The following ERCC6L2 variants were observed in gnomAD, a reference collection of about 807,000 sequenced individuals.
The protein encoded by ERCC6L2 is DNA excision repair protein ERCC-6-like 2.
Under a neutral mutation model 132.0 loss-of-function variants are expected in ERCC6L2, and 77 were observed. The observed-to-expected ratio is 0.58, with a 90% CI of 0.49 to 0.71. The LOEUF (loss-of-function observed/expected upper bound fraction) is 0.71, where lower values mean the gene tolerates loss of function less well. Ranked by LOEUF, ERCC6L2 falls within the 30% of genes least tolerant of loss-of-function variation. The pLI, the probability that ERCC6L2 is intolerant of heterozygous loss-of-function variation, is 0.00. For missense variants in ERCC6L2, 1,542 were observed against 1,837.6 expected, an observed-to-expected ratio of 0.84 and a Z score of 2.94; for synonymous variants, 583 against 632.4, an observed-to-expected ratio of 0.92 and a Z score of 1.17.
intron 17 of ERCC6L2, among the ~76,000 whole-genome samples, chr9:95,978,838 A>G (rs1832778055): frequency 6.6e-6 from 1 of 152,158 alleles, no homozygotes. Flanking sequence ...CTATTACTTT[A>G]TGGGCAAGAG....
chr9:96,010,328 G>A (rs1833986654), intron 18 of ERCC6L2, among the ~76,000 whole-genome samples: 1 of 152,218 alleles, frequency 6.6e-6, no homozygotes, highest in African/African-American at 2.4e-5. Flanking sequence ...GTGCTTTATG[G>A]TCTGCCCCTA....
intron 19 of ERCC6L2, among the ~76,000 whole-genome samples, chr9:96,029,619 C>T (rs548088685): frequency 7.2e-5 from 11 of 151,942 alleles, no homozygotes; most frequent in Non-Finnish European, 1.3e-4. Flanking sequence ...GCAAAGGAAA[C>T]GTGTTGATTT....
chr9:95,906,394 G>A (rs969219374), intron 3 of ERCC6L2, among the ~76,000 whole-genome samples: 1 of 152,134 alleles, frequency 6.6e-6, no homozygotes, highest in African/African-American at 2.4e-5. Context: ...AGTTTCTGCA[G>A]CATTGACTTT....
chr9:95,967,467 A>G (rs1267427844), intron 14 of ERCC6L2: 2 of 152,168 alleles, frequency 1.3e-5, no homozygotes, highest in African/African-American at 4.8e-5. Flanking sequence ...AGTAAGTACC[A>G]TAAAGGCAGT....
rs1188314058 is a variant in ERCC6L2, at chr9:96,017,912, TGAAAG to T, written c.*4714_*4718del. ...CACACACAGGAATATTATTCAGCCT[TGAAAG>T]GAAATTCGGACACGTGCTACAACAT... is the stretch of plus-strand genomic sequence containing the variant. On this transcript the variant is annotated 3_prime_UTR_variant, in exon 19 of 19. Transcript: ENST00000653738. 2.0e-5 allele frequency among the ~76,000 whole-genome samples: 3 copies of T among 152,238 alleles called. No individual in the cohort carries two copies. The highest frequency in any genetic ancestry group is 4.4e-5 in the Non-Finnish European group (3 of 68,056).
At chr9:95,906,725 C>T (rs1305799880) in intron 3 of ERCC6L2, 7 of 462,242 alleles carry the variant, frequency 1.5e-5, no homozygotes, top group African/African-American at 4.0e-5. Context: ...GTACATTACC[C>T]ACTTGGCCTT....
intron 11 of ERCC6L2, chr9:95,929,094 TAA>T (rs1335113714): frequency 3.2e-6 from 1 of 311,418 alleles, no homozygotes; most frequent in African/African-American, 2.2e-5. Flanking sequence ...AAGGTAACAA[TAA>T]AAAAATTGAT....
rs779370467 is a variant in ERCC6L2, at chr9:95,973,108, C to T, written c.3337+20C>T. 7 of 1,278,364 alleles carry T rather than the reference C, an allele frequency of 5.5e-6. No individual in the cohort carries two copies. In the South Asian group the frequency reaches 9.5e-5, roughly 17 times the overall value. 79.2% of individuals were successfully genotyped at this position (1,278,364 alleles called of 1,614,324 possible). On this transcript the variant is annotated intron_variant, in intron 16 of 18. Coordinates refer to ENST00000653738, the MANE Select transcript of ERCC6L2 (RefSeq NM_020207.7). ...TTTTAGGTAACTAAAGACACATTCT[C>T]AAAACTTTAAAAAGTATATTTGTTT...
intron 16 of ERCC6L2, among the ~76,000 whole-genome samples, chr9:95,976,820 C>T (rs1165602685): frequency 1.3e-5 from 2 of 152,028 alleles, no homozygotes; most frequent in African/African-American, 4.8e-5. Flanking sequence ...GACTTATTCC[C>T]CAAAAACTAT....
At chr9:95,917,231 A>G (rs183671031) in intron 6 of ERCC6L2, among the ~76,000 whole-genome samples, 31 of 152,338 alleles carry the variant, frequency 2.0e-4, no homozygotes, top group Admixed American at 1.5e-3. Flanking sequence ...AATTTGTAGG[A>G]AAACTACATT....
At chr9:95,881,413 G>A in intron 2 of ERCC6L2, 120 bp downstream of exon 2, 1 of 742,596 alleles carries the variant, frequency 1.3e-6, no homozygotes, top group Non-Finnish European at 2.0e-6. Flanking sequence ...GTGTATGTTT[G>A]TGTTTGTCTC....
intron 17 of ERCC6L2, among the ~76,000 whole-genome samples, chr9:96,001,127 G>A (rs1358858225): frequency 6.6e-6 from 1 of 152,190 alleles, no homozygotes; most frequent in African/African-American, 2.4e-5. Flanking sequence ...GCTGGGCTCA[G>A]GAGTGAAGCT....
chr9:95,951,012 G>A (rs1488040948), intron 12 of ERCC6L2, among the ~76,000 whole-genome samples: 1 of 152,140 alleles, frequency 6.6e-6, no homozygotes, highest in East Asian at 1.9e-4. Context: ...TCCAACGACA[G>A]CAGAATACAT....
chr9:95,939,285 T>G (rs535763403), intron 11 of ERCC6L2, among the ~76,000 whole-genome samples: 44 of 148,622 alleles, frequency 3.0e-4, no homozygotes, highest in African/African-American at 1.1e-3. Flanking sequence ...TTATTCTGCT[T>G]TTTTTTTTTT....
At chr9:96,022,699 A>G (rs1426593162), downstream of ERCC6L2, among the ~76,000 whole-genome samples, 2 of 152,174 alleles carry the variant, frequency 1.3e-5, no homozygotes, top group East Asian at 1.9e-4. Flanking sequence ...AGTGGGGCAC[A>G]GGTTCAGTGT....
rs1304001334 is a variant in ERCC6L2, at chr9:95,875,989, C to A, written c.-50C>A. The A allele has an allele frequency of 3.9e-6, 6 of 1,556,368 alleles. No individual in the cohort carries two copies. The highest frequency in any genetic ancestry group is 4.3e-6 in the Non-Finnish European group (5 of 1,150,692). On this transcript the variant is annotated 5_prime_UTR_variant, in exon 1 of 19. Coordinates refer to ENST00000653738, the MANE Select transcript of ERCC6L2 (RefSeq NM_020207.7). ...GGCCAGCCACCTTGCTGTCCTCCGC[C>A]GCCTTCCGGGTGTTACATGCAGCCG...
chr9:95,967,758 G>T (rs1445910317), intron 14 of ERCC6L2: 3 of 152,000 alleles, frequency 2.0e-5, no homozygotes, highest in African/African-American at 7.2e-5. Flanking sequence ...ACTTTTTGGG[G>T]TTTTTTCCCC....
intron 18 of ERCC6L2, among the ~76,000 whole-genome samples, chr9:96,010,931 A>G (rs1452557905): frequency 6.6e-6 from 1 of 152,244 alleles, no homozygotes; most frequent in Non-Finnish European, 1.5e-5. Context: ...TTAAGGAACT[A>G]TGGTGTAAAA....
intron 4 of ERCC6L2, among the ~76,000 whole-genome samples, chr9:95,911,786 T>G (rs556398559): frequency 5.9e-5 from 9 of 152,150 alleles, no homozygotes; most frequent in Non-Finnish European, 1.2e-4. Context: ...CAAAGTTAAT[T>G]ATGTATATGA....
Sources: allele counts gnomAD v4.1 joint callset (sites outside exome capture counted in the v4.1 genomes callset), GRCh38; gene constraint gnomAD v4.1.1; transcripts MANE v1.5; gene names NCBI Gene and HGNC (gene_info 2026-07-23, HGNC 2026-07-21).